Variants in MAMLD1 observed in about 807,000 individuals in gnomAD.
The protein encoded by MAMLD1 is mastermind-like domain-containing protein 1.
MAMLD1 carries 14 observed loss-of-function variants against 45.0 expected under a neutral mutation model. The ratio of observed to expected loss-of-function variants is 0.31; its 90% confidence interval spans 0.21 to 0.49. The LOEUF (loss-of-function observed/expected upper bound fraction) is 0.49, where lower values mean the gene tolerates loss of function less well. MAMLD1 is among the 20% of genes least tolerant of loss of function. The pLI, the probability that MAMLD1 is intolerant of heterozygous loss-of-function variation, is 0.99. For synonymous variants in MAMLD1, 254 were observed against 247.8 expected (o/e 1.02, Z -0.24); for missense variants, 543 against 603.6 (o/e 0.90, Z 1.05).
chrX:150,398,293 G>GAAC (rs1569564555), intron 1 of MAMLD1, among the ~76,000 whole-genome samples: 32 of 87,675 alleles, frequency 3.6e-4, no homozygotes, highest in African/African-American at 1.3e-3. Flanking sequence ...AGAAGAAGAA[G>GAAC]AAGAAGAAGA....
chrX:150,432,990 A>C (rs680820), intron 1 of MAMLD1, among the ~76,000 whole-genome samples: 1 of 110,486 alleles, frequency 9.1e-6, no homozygotes, highest in Non-Finnish European at 1.9e-5. Context: ...TGAATCTGTA[A>C]ATTGTTTCAG....
chrX:150,415,130 C>G (rs2034217681), intron 1 of MAMLD1, among the ~76,000 whole-genome samples: 1 of 112,388 alleles, frequency 8.9e-6, no homozygotes, highest in Non-Finnish European at 1.9e-5. Flanking sequence ...GCCATGGATT[C>G]ATTTTATTCT....
intron 1 of MAMLD1, among the ~76,000 whole-genome samples, chrX:150,386,791 C>T (rs1282372631): frequency 1.1e-4 from 10 of 92,000 alleles, no homozygotes; most frequent in Non-Finnish European, 2.2e-4. Context: ...TTCCTTACTA[C>T]TAAATGTCCT....
chrX:150,444,816 G>T (rs1569564801), intron 1 of MAMLD1, among the ~76,000 whole-genome samples: 1 of 112,147 alleles, frequency 8.9e-6, no homozygotes, highest in African/African-American at 3.2e-5. Context: ...TGGAGGAGTA[G>T]CCATGATCAT....
intron 5 of MAMLD1, among the ~76,000 whole-genome samples, chrX:150,481,546 A>G (rs782219621): frequency 2.5e-4 from 28 of 111,953 alleles, no homozygotes; most frequent in Non-Finnish European, 4.9e-4. Flanking sequence ...AATCGAAAGC[A>G]AGGCTGGACA....
intron 1 of MAMLD1, among the ~76,000 whole-genome samples, chrX:150,375,773 T>C (rs1309765717): frequency 8.9e-6 from 1 of 111,882 alleles, no homozygotes; most frequent in African/African-American, 3.3e-5. Flanking sequence ...GCAGAGCATC[T>C]CACCCTTAAT....
chrX:150,408,076 T>C lies in MAMLD1; in HGVS notation c.-63-37378T>C, dbSNP rs2034040518. Among the ~76,000 whole-genome samples, 3 of 111,617 alleles carry C rather than the reference T, an allele frequency of 2.7e-5. 1 individual carries two copies. In the Admixed American group the frequency reaches 2.8e-4, roughly 11 times the overall value. On this transcript the variant is annotated intron_variant, in intron 1 of 7. Coordinates refer to ENST00000370401, the MANE Select transcript of MAMLD1 (RefSeq NM_005491.5). ...CCAACTGTTATGTTTTCAGGAATTTTGCAAGGTGGGTGACATCATGTTGGT... is the reference window on the plus strand; with the variant it reads ...CCAACTGTTATGTTTTCAGGAATTTCGCAAGGTGGGTGACATCATGTTGGT...
At chrX:150,447,425 A>T (rs2035526606) in intron 2 of MAMLD1, among the ~76,000 whole-genome samples, 1 of 112,100 alleles carries the variant, frequency 8.9e-6, no homozygotes, top group African/African-American at 3.2e-5. Context: ...CTCCAAAAGC[A>T]ACTCTCTCAG....
At chrX:150,411,019 A>C (rs1334645064) in intron 1 of MAMLD1, among the ~76,000 whole-genome samples, 1 of 109,854 alleles carries the variant, frequency 9.1e-6, no homozygotes, top group Non-Finnish European at 1.9e-5. Context: ...TGTTAGTTTT[A>C]GTGTATTTTA....
At chrX:150,381,733 T>C (rs986060136) in intron 1 of MAMLD1, among the ~76,000 whole-genome samples, 1 of 112,380 alleles carries the variant, frequency 8.9e-6, no homozygotes, top group African/African-American at 3.2e-5. Context: ...TGTAGAGATA[T>C]CTCATTGTCA....
chrX:150,388,756 TA>T (rs200398063), intron 1 of MAMLD1, among the ~76,000 whole-genome samples: 1 of 111,769 alleles, frequency 8.9e-6, no homozygotes, highest in Non-Finnish European at 1.9e-5. Context: ...ATTGACCTTT[TA>T]AAAAAACTAG....
At chrX:150,471,846 A>G (rs782729372) in intron 4 of MAMLD1, among the ~76,000 whole-genome samples, 38 of 112,423 alleles carry the variant, frequency 3.4e-4, no homozygotes, top group Middle Eastern at 4.6e-3. Context: ...TTAAGATGTA[A>G]GGAAATTGCA....
At chrX:150,379,526 A>G (rs143572683) in intron 1 of MAMLD1, among the ~76,000 whole-genome samples, 1,775 of 110,359 alleles carry the variant, frequency 0.016, 36 homozygotes, top group African/African-American at 0.056. Context: ...TCTGCCCCCC[A>G]CCCCTGAACC....
intron 1 of MAMLD1, among the ~76,000 whole-genome samples, chrX:150,366,109 G>A (rs1426601272): frequency 8.9e-6 from 1 of 111,872 alleles, no homozygotes; most frequent in Non-Finnish European, 1.9e-5. Flanking sequence ...AGTGGGCGGG[G>A]CCCAGGCTCA....
intron 5 of MAMLD1, among the ~76,000 whole-genome samples, chrX:150,489,841 G>A (rs1303900847): frequency 9.0e-6 from 1 of 111,150 alleles, no homozygotes; most frequent in African/African-American, 3.3e-5. Flanking sequence ...ACAGGGAAGA[G>A]CAAGAGAAGG....
At chrX:150,376,743 T>C (rs1351647219) in intron 1 of MAMLD1, among the ~76,000 whole-genome samples, 1 of 111,450 alleles carries the variant, frequency 9.0e-6, no homozygotes, top group African/African-American at 3.3e-5. Context: ...TTTGTACCAA[T>C]GCCTAATTTA....
At chrX:150,422,439 C>T (rs782200225) in intron 1 of MAMLD1, among the ~76,000 whole-genome samples, 3 of 111,481 alleles carry the variant, frequency 2.7e-5, no homozygotes, top group Non-Finnish European at 5.7e-5. Flanking sequence ...GACAGAGACT[C>T]GCTGTGTCTC....
intron 2 of MAMLD1, among the ~76,000 whole-genome samples, chrX:150,445,822 A>C (rs1388625465): frequency 9.0e-6 from 1 of 111,435 alleles, no homozygotes; most frequent in African/African-American, 3.3e-5. Flanking sequence ...AATATAGTCT[A>C]AGGTTCCATA....
Position 150,490,523 on chromosome X carries a change from T to G in MAMLD1, c.2041-12751T>G, listed in dbSNP as rs1041256176. On this transcript the variant is annotated intron_variant, in intron 5 of 7. Coordinates refer to ENST00000370401, the MANE Select transcript of MAMLD1 (RefSeq NM_005491.5). ...TTCAGGCCTCGGAGTTGGGGCAGAC[T>G]GGAGAAACTAAGGTTATTTGAGAAA... is the stretch of plus-strand genomic sequence containing the variant. 3.6e-5 allele frequency among the ~76,000 whole-genome samples: 4 copies of G among 112,533 alleles called. No homozygotes were observed. The South Asian group carries it at 1.1e-3, about 31-fold the overall frequency.
Sources: gnomAD v4.1 joint callset for allele counts (sites outside exome capture counted in the v4.1 genomes callset) on GRCh38, gnomAD v4.1.1 for gene constraint, MANE v1.5 for transcripts, NCBI Gene and HGNC (gene_info 2026-07-23, HGNC 2026-07-21) for gene names.